Variants in ZMYND8 observed in about 807,000 individuals in gnomAD.
The protein encoded by ZMYND8 is MYND-type zinc finger-containing chromatin reader ZMYND8.
ZMYND8 carries 37 observed loss-of-function variants against 140.8 expected under a neutral mutation model. That is an observed-to-expected ratio of 0.26 (90% CI 0.20 to 0.35). The LOEUF (loss-of-function observed/expected upper bound fraction) is 0.35. Among genes scored for constraint, ZMYND8 ranks in the 10% least tolerant of loss-of-function variants. The pLI is 1.00. For synonymous variants in ZMYND8, 592 were observed against 597.1 expected, an observed-to-expected ratio of 0.99 and a Z score of 0.12; for missense variants, 1,068 against 1,570.0, an observed-to-expected ratio of 0.68 and a Z score of 5.40.
At chr20:47,261,379 A>G (rs2075138395) in intron 12 of ZMYND8, among the ~76,000 whole-genome samples, 1 of 152,064 alleles carries the variant, frequency 6.6e-6, no homozygotes, top group South Asian at 2.1e-4. Flanking sequence ...ACTACAAAAA[A>G]TTAGCTGAGT....
At chr20:47,252,840 G>C (rs1213069096) in intron 12 of ZMYND8, among the ~76,000 whole-genome samples, 1 of 151,990 alleles carries the variant, frequency 6.6e-6, no homozygotes, top group Non-Finnish European at 1.5e-5. Context: ...GATCGCTTGA[G>C]CCCAGGAGGC....
chr20:47,261,644 A>T lies in ZMYND8; in HGVS notation c.1621+644T>A, dbSNP rs577315851. Among the ~76,000 whole-genome samples, 465 of 152,246 alleles carry T rather than the reference A, an allele frequency of 3.1e-3. 1 individual carries two copies. Among genetic ancestry groups the T allele is most frequent in the Non-Finnish European group, 5.7e-3 (391 of 68,022 alleles). ...AGAATTAGAAGAAGAGAATTAAGGA[A>T]TATCAGAGTATGCTGCACATAGGAA... On this transcript the variant is annotated intron_variant, in intron 12 of 22. Transcript: ENST00000471951.
chr20:47,213,642 G>A (rs1213949372), intron 21 of ZMYND8, among the ~76,000 whole-genome samples: 1 of 152,162 alleles, frequency 6.6e-6, no homozygotes, highest in African/African-American at 2.4e-5. Flanking sequence ...GTAAGGAGAA[G>A]ATGGACTGCC....
At chr20:47,346,177 G>A (rs1308635298) in intron 2 of ZMYND8, among the ~76,000 whole-genome samples, 1 of 151,972 alleles carries the variant, frequency 6.6e-6, no homozygotes, top group Non-Finnish European at 1.5e-5. Context: ...CACCCTCCTG[G>A]CCCCCTCTCT....
intron 11 of ZMYND8, among the ~76,000 whole-genome samples, chr20:47,273,689 G>A (rs2076093788): frequency 6.6e-6 from 1 of 152,168 alleles, no homozygotes; most frequent in African/African-American, 2.4e-5. Flanking sequence ...CTGGAGTGCA[G>A]TGGCACAATC....
intron 12 of ZMYND8, among the ~76,000 whole-genome samples, chr20:47,255,258 G>C (rs1169527454): frequency 6.6e-6 from 1 of 152,074 alleles, no homozygotes; most frequent in Non-Finnish European, 1.5e-5. Flanking sequence ...TGACGTGCAG[G>C]AACAGGGGTA....
chr20:47,324,994 T>C (rs1444192806), intron 2 of ZMYND8, among the ~76,000 whole-genome samples: 1 of 152,202 alleles, frequency 6.6e-6, no homozygotes, highest in Non-Finnish European at 1.5e-5. Context: ...AACTTCCACC[T>C]CCTGGGTTCA....
intron 17 of ZMYND8, 44 bp downstream of exon 17, chr20:47,229,682 C>T (rs1324611542): frequency 1.3e-6 from 2 of 1,592,786 alleles, no homozygotes; most frequent in East Asian, 2.2e-5. Context: ...AAGCAGCCCA[C>T]AAAACACTCT....
At chr20:47,320,937 T>C (rs2079892930) in intron 2 of ZMYND8, among the ~76,000 whole-genome samples, 1 of 151,978 alleles carries the variant, frequency 6.6e-6, no homozygotes, top group South Asian at 2.1e-4. Context: ...AAAGATGGAA[T>C]CCCGTCTGCA....
intron 12 of ZMYND8, among the ~76,000 whole-genome samples, chr20:47,250,384 T>A (rs982813034): frequency 6.6e-6 from 1 of 152,054 alleles, no homozygotes; most frequent in African/African-American, 2.4e-5. Flanking sequence ...CCCTCTGGCA[T>A]CCCCTCCAAC....
intron 3 of ZMYND8, among the ~76,000 whole-genome samples, chr20:47,301,784 A>G (rs951522977): frequency 6.6e-6 from 1 of 152,150 alleles, no homozygotes; most frequent in African/African-American, 2.4e-5. Context: ...TGTATAAGGT[A>G]TGTGATATGG....
chr20:47,283,222 G>A (rs2076718337), intron 9 of ZMYND8, among the ~76,000 whole-genome samples: 1 of 152,142 alleles, frequency 6.6e-6, no homozygotes. Context: ...TCTTAAAATA[G>A]AACCAACATG....
chr20:47,312,646 T>C (rs1352356837), intron 2 of ZMYND8, among the ~76,000 whole-genome samples: 1 of 151,950 alleles, frequency 6.6e-6, no homozygotes, highest in Non-Finnish European at 1.5e-5. Context: ...AAAAATTAGC[T>C]AGGCATGGTA....
chr20:47,293,056 A>C (rs1313570889), intron 5 of ZMYND8, among the ~76,000 whole-genome samples: 1 of 148,610 alleles, frequency 6.7e-6, no homozygotes, highest in Non-Finnish European at 1.5e-5. Flanking sequence ...GTCTGCCTCC[A>C]AAAAAAGAAA....
At chr20:47,310,975 C>T (rs1405748938) in intron 2 of ZMYND8, among the ~76,000 whole-genome samples, 1 of 152,088 alleles carries the variant, frequency 6.6e-6, no homozygotes, top group Non-Finnish European at 1.5e-5. Context: ...ATTGTTCTTA[C>T]CCCAAAGAAA....
At chr20:47,355,703 GA>G (rs979835676) in intron 1 of ZMYND8, 14 of 157,654 alleles carry the variant, frequency 8.9e-5, no homozygotes, top group Non-Finnish European at 1.6e-4. Context: ...AAAGGGACAG[GA>G]AAATGAAAAC....
At chr20:47,350,469 G>A (rs73910837) in intron 1 of ZMYND8, among the ~76,000 whole-genome samples, 1 of 147,932 alleles carries the variant, frequency 6.8e-6, no homozygotes, top group Admixed American at 6.8e-5. Context: ...GTGTGTGTGT[G>A]TTTTTTTTTG....
At chr20:47,251,011 G>C (rs2074123547) in intron 12 of ZMYND8, among the ~76,000 whole-genome samples, 1 of 149,308 alleles carries the variant, frequency 6.7e-6, no homozygotes, top group South Asian at 2.1e-4. Context: ...CTGGGAGACA[G>C]AGCAAGACTT....
intron 1 of ZMYND8, chr20:47,353,440 G>A (rs1263039800): frequency 6.6e-6 from 1 of 152,156 alleles, no homozygotes; most frequent in African/African-American, 2.4e-5. Flanking sequence ...CTATGATCAG[G>A]CTCAGCAATT....
Sources: allele counts gnomAD v4.1 joint callset (sites outside exome capture counted in the v4.1 genomes callset), GRCh38; gene constraint gnomAD v4.1.1; transcripts MANE v1.5; gene names NCBI Gene and HGNC (gene_info 2026-07-23, HGNC 2026-07-21).